Variants in ETV4 observed in about 807,000 individuals in gnomAD.
ETV4 encodes ETS translocation variant 4.
A neutral mutation model predicts 65.9 loss-of-function variants in ETV4; 42 were observed. The observed-to-expected ratio is 0.64, with a 90% CI of 0.50 to 0.82. ETV4 has a LOEUF of 0.82. ETV4 is among the 40% of genes least tolerant of loss of function. The pLI, the probability that ETV4 is intolerant of heterozygous loss-of-function variation, is 0.00. For synonymous variants in ETV4, 238 were observed against 260.0 expected (o/e 0.92, Z 0.81); for missense variants, 583 against 630.3 (o/e 0.92, Z 0.80).
rs767140554 is a variant in ETV4, at chr17:43,545,659, G to A, written c.-42C>T. 41 of 1,541,774 alleles carry A rather than the reference G, an allele frequency of 2.7e-5. No individual in the cohort carries two copies. The highest frequency in any genetic ancestry group is 3.4e-5 in the Non-Finnish European group (39 of 1,140,994). ...GCCGCACGGCCGGGGCCCCAAGCGGGGGCCGAGACCTGGTGGGGGAGGGGG... is the reference window on the plus strand; with the variant it reads ...GCCGCACGGCCGGGGCCCCAAGCGGAGGCCGAGACCTGGTGGGGGAGGGGG... On this transcript the variant is annotated 5_prime_UTR_variant, in exon 2 of 13. Transcript: ENST00000319349.
chr17:43,530,367 C>CT, intron 8 of ETV4, 186 bp from the exon 9 acceptor site: 1 of 1,452,104 alleles, frequency 6.9e-7, no homozygotes, highest in Non-Finnish European at 9.1e-7. Flanking sequence ...GAGTGTGATG[C>CT]TGGAACCCCT....
chr17:43,532,987 T>A, intron 7 of ETV4, 48 bp from the exon 8 acceptor site: 2 of 1,526,208 alleles, frequency 1.3e-6, no homozygotes, highest in Non-Finnish European at 1.8e-6. Flanking sequence ...TTTAAATTAA[T>A]CCTTCCTCGA....
intron 4 of ETV4, among the ~76,000 whole-genome samples, chr17:43,538,543 G>C (rs1324068654): frequency 6.6e-6 from 1 of 152,176 alleles, no homozygotes; most frequent in Non-Finnish European, 1.5e-5. Flanking sequence ...TACAGCAGCA[G>C]CTCATCCATG....
chr17:43,540,957 G>A (rs1025827530), intron 4 of ETV4, among the ~76,000 whole-genome samples: 9 of 152,156 alleles, frequency 5.9e-5, no homozygotes, highest in Non-Finnish European at 8.8e-5. Flanking sequence ...GAGGTAATGG[G>A]CTGGGGGTAT....
chr17:43,545,717 A>G, intron 1 of ETV4, 49 bp from the exon 2 acceptor site: 1 of 641,710 alleles, frequency 1.6e-6, no homozygotes, highest in Non-Finnish European at 2.5e-6. Flanking sequence ...GAGGGCTGCG[A>G]TGGGGGCGGG....
intron 8 of ETV4, 129 bp from the exon 9 acceptor site, chr17:43,530,310 C>G: frequency 6.7e-7 from 1 of 1,489,190 alleles, no homozygotes; most frequent in Non-Finnish European, 9.0e-7. Flanking sequence ...GTTCTTTGCC[C>G]AGGTTGCCTG....
chr17:43,538,295 G>T (rs962231522), intron 4 of ETV4, among the ~76,000 whole-genome samples: 1 of 152,164 alleles, frequency 6.6e-6, no homozygotes, highest in African/African-American at 2.4e-5. Flanking sequence ...GACAGAGCAA[G>T]ACTCCATCTC....
At position 43,533,253 on chromosome 17, in the gene ETV4, C is replaced by T. The variant is rs753533432; in HGVS notation, c.479G>A (p.Arg160Gln). ...GGTGCCAGAGGATCTCAGGAAATTC[C>T]GTTGCTCTGCCCGGGGAAAGGGCTG... Reference protein sequence around the residue: ...PLQPFPRAEQRNFLRSSGTSQ... With the variant: ...PLQPFPRAEQQNFLRSSGTSQ... Residue 160 changes from arginine to glutamine, a missense_variant, in exon 7 of 13, where the codon CGG becomes CAG. Arg to Gln is a conservative substitution (Grantham distance 43, BLOSUM62 1). Transcript: ENST00000319349. 41 of 1,613,834 alleles carry T rather than the reference C, an allele frequency of 2.5e-5. No individual in the cohort carries two copies. Among genetic ancestry groups the T allele is most frequent in the Admixed American group, 5.0e-5 (3 of 59,972 alleles).
chr17:43,543,928 G>A (rs932775445), intron 4 of ETV4: 4 of 151,950 alleles, frequency 2.6e-5, no homozygotes, highest in African/African-American at 4.8e-5. Flanking sequence ...TTTTTACTCC[G>A]AGCTTCTATG....
chr17:43,536,059 C>T (rs543048133), intron 5 of ETV4, among the ~76,000 whole-genome samples: 1 of 152,130 alleles, frequency 6.6e-6, no homozygotes, highest in African/African-American at 2.4e-5. Flanking sequence ...TGCAGTGAGC[C>T]GAGATTGTGC....
chr17:43,536,191 T>C (rs1971234550), intron 5 of ETV4: 1 of 550,448 alleles, frequency 1.8e-6, no homozygotes, highest in Admixed American at 3.3e-5. Flanking sequence ...TCACTTCAGA[T>C]ATAAGGCAAT....
At chr17:43,545,981 ACGCGCG>A (rs1377898776) in intron 1 of ETV4, 198 bp downstream of exon 1, 2 of 102,204 alleles carry the variant, frequency 2.0e-5, no homozygotes, top group African/African-American at 5.3e-5. Context: ...GTGTGTGTGT[ACGCGCG>A]CGCGCGCGGA....
intron 8 of ETV4, 66 bp downstream of exon 8, chr17:43,532,608 G>C: frequency 6.9e-7 from 1 of 1,438,960 alleles, no homozygotes; most frequent in Non-Finnish European, 9.4e-7. Flanking sequence ...AAAAAAACTC[G>C]GGAGACATTC....
rs1247601324 is a variant in ETV4 at position 43,532,703 on chromosome 17, T to A, written c.782A>T (p.Gln261Leu). 3 of 1,613,798 alleles carry A rather than the reference T, an allele frequency of 1.9e-6. No individual in the cohort carries two copies. Among genetic ancestry groups the A allele is most frequent in the Non-Finnish European group, 2.5e-6 (3 of 1,179,846 alleles). Residue 261 changes from glutamine to leucine, a missense_variant, in exon 8 of 13, where the codon CAG (glutamine) becomes CTG (leucine). Transcript: ENST00000319349. Reference sequence around the variant, plus strand: ...GTCGTAGGCGAAGTCCGTCTGTTCCTGTTTGATCACCACCCCCGCCCCTGG... The same window carrying A: ...GTCGTAGGCGAAGTCCGTCTGTTCCAGTTTGATCACCACCCCCGCCCCTGG... ...RYPGAGVVIK[Q>L]EQTDFAYDSD...
intron 1 of ETV4, 143 bp downstream of exon 1, chr17:43,546,042 C>T: frequency 4.5e-6 from 1 of 222,310 alleles, no homozygotes; most frequent in Non-Finnish European, 8.9e-6. Flanking sequence ...AACTCCCGCG[C>T]CCCCTCCAAC....
Position 43,545,568 on chromosome 17 carries a change from G to C in ETV4, c.50C>G (p.Thr17Ser), listed in dbSNP as rs773308888. ...CGGCGCGGCGCTCACGCTGCTGAAG[G>C]TGTAGGGCACTTGCTGGTCCAAGTA... ...AGYLDQQVPYTFSSKSPGNGS... is the reference protein window; with the variant it reads ...AGYLDQQVPYSFSSKSPGNGS... Residue 17 changes from threonine (T) to serine (S), a missense_variant, in exon 2 of 13, where the codon ACC becomes AGC. Thr to Ser is a moderately conservative substitution (Grantham distance 58, BLOSUM62 1). Coordinates refer to ENST00000319349, the MANE Select transcript of ETV4 (RefSeq NM_001079675.5). The C allele has an allele frequency of 1.9e-5, 29 of 1,550,418 alleles. No homozygotes were observed. Among genetic ancestry groups the C allele is most frequent in the Admixed American group, 1.6e-4 (8 of 51,010 alleles).
At chr17:43,532,547 G>GA in intron 8 of ETV4, 127 bp downstream of exon 8, 3 of 858,504 alleles carry the variant, frequency 3.5e-6, no homozygotes, top group Non-Finnish European at 5.4e-6. Context: ...AAATTATGAA[G>GA]AAAAAAAGTG....
At position 43,545,344 on chromosome 17, in the gene ETV4, C is replaced by A. The variant is rs1218231250; in HGVS notation, c.84G>T (p.Leu28Phe). 5.6e-6 allele frequency: 9 copies of A among 1,604,808 alleles called. No individual in the cohort carries two copies. Among genetic ancestry groups the A allele is most frequent in the African/African-American group, 1.3e-5 (1 of 74,760 alleles). ...CCAGCGGGCCGATCAGCGCTTCGCG[C>A]AAGCTCCCATTTCCGGGCGATTTCT... Reference protein sequence around the residue: ...FSSKSPGNGSLREALIGPLGK... With the variant: ...FSSKSPGNGSFREALIGPLGK... The change falls in exon 3 of 13, where the codon TTG (leucine) becomes TTT (phenylalanine). Residue 28 changes from leucine to phenylalanine, a missense_variant. By Grantham distance (22) the Leu-to-Phe change is conservative (BLOSUM62 0). Transcript: ENST00000319349.
At chr17:43,545,932 A>C in intron 1 of ETV4, 1 of 396,404 alleles carries the variant, frequency 2.5e-6, no homozygotes, top group Non-Finnish European at 4.6e-6. Flanking sequence ...GTTACATAAG[A>C]ACGTGTGTGT....
Sources: allele counts gnomAD v4.1 joint callset (sites outside exome capture counted in the v4.1 genomes callset), GRCh38; gene constraint gnomAD v4.1.1; transcripts MANE v1.5; gene names NCBI Gene and HGNC (gene_info 2026-07-23, HGNC 2026-07-21).